The following TANGO6 variants were observed in gnomAD, a reference collection of about 807,000 sequenced individuals.
TANGO6 encodes transport and golgi organization 6 homolog.
TANGO6 carries 90 observed loss-of-function variants against 114.2 expected under a neutral mutation model. The observed-to-expected ratio is 0.79, with a 90% confidence interval of 0.66 to 0.94. TANGO6 has a LOEUF of 0.94. TANGO6 is among the 40% of genes least tolerant of loss of function. TANGO6 has a pLI of 0.00. For missense variants in TANGO6, 1,274 were observed against 1,315.3 expected (o/e 0.97, Z 0.49); for synonymous variants, 477 against 509.8 (o/e 0.94, Z 0.87).
intron 14 of TANGO6, among the ~76,000 whole-genome samples, chr16:68,956,140 G>C (rs761888367): frequency 1.3e-5 from 2 of 152,064 alleles, no homozygotes; most frequent in African/African-American, 2.4e-5. Context: ...AATGGGGTGA[G>C]ACTCTGTCTC....
At chr16:69,047,390 G>A (rs1416487566) in intron 17 of TANGO6, among the ~76,000 whole-genome samples, 1 of 151,946 alleles carries the variant, frequency 6.6e-6, no homozygotes, top group Non-Finnish European at 1.5e-5. Context: ...AGCTCCTCGG[G>A]AGGCTGAGGC....
chr16:69,068,023 C>G (rs1439725635), intron 17 of TANGO6, among the ~76,000 whole-genome samples: 1 of 151,050 alleles, frequency 6.6e-6, no homozygotes, highest in Admixed American at 6.6e-5. Flanking sequence ...TGCCTGTAGT[C>G]CCAGCTACTC....
At chr16:68,996,329 T>C (rs761487060) in intron 15 of TANGO6, among the ~76,000 whole-genome samples, 1 of 152,210 alleles carries the variant, frequency 6.6e-6, no homozygotes, top group Non-Finnish European at 1.5e-5. Context: ...CTAATTTCCT[T>C]TGGACCTTGA....
Position 68,862,975 on chromosome 16 carries a change from A to G in TANGO6, c.766A>G (p.Arg256Gly), listed in dbSNP as rs774646077. ...VLTEEERTLS[R>G]GALRDMLDQV... ...AACTGAAGAGGAGAGAACCCTATCCAGGGGGGCCTTGAGAGACATGCTGGA... is the reference window on the plus strand; with the variant it reads ...AACTGAAGAGGAGAGAACCCTATCCGGGGGGGCCTTGAGAGACATGCTGGA... The change falls in exon 3 of 18, where the codon AGG (arginine) becomes GGG (glycine). Residue 256 changes from arginine to glycine, a missense_variant. Physicochemically the swap from Arg to Gly is moderately radical, Grantham distance 125. Around this residue, in one of 5 missense-constraint regions of TANGO6, gnomAD observed 908 missense variants for 910.2 expected, o/e 1.00. Coordinates refer to ENST00000261778, the MANE Select transcript of TANGO6 (RefSeq NM_024562.2). 5.0e-6 allele frequency: 8 copies of G among 1,599,332 alleles called. No individual in the cohort carries two copies. The highest frequency in any genetic ancestry group is 1.3e-5 in the African/African-American group (1 of 74,658).
intron 4 of TANGO6, among the ~76,000 whole-genome samples, chr16:68,870,693 TTCTGGTGG>T (rs1298426507): frequency 1.7e-4 from 26 of 152,216 alleles, no homozygotes; most frequent in Non-Finnish European, 3.2e-4. Flanking sequence ...TATTTGCCAT[TTCTGGTGG>T]TCTTTATTTC....
chr16:68,886,634 C>G (rs1438741628), intron 7 of TANGO6, among the ~76,000 whole-genome samples: 1 of 151,574 alleles, frequency 6.6e-6, no homozygotes, highest in African/African-American at 2.4e-5. Flanking sequence ...TCAGCCTCCC[C>G]GGTAGCTGGG....
At chr16:69,079,651 T>C (rs1004856935) in intron 17 of TANGO6, among the ~76,000 whole-genome samples, 12 of 152,184 alleles carry the variant, frequency 7.9e-5, no homozygotes, top group African/African-American at 2.9e-4. Flanking sequence ...CAAATTTATG[T>C]TTATATATTT....
intron 15 of TANGO6, among the ~76,000 whole-genome samples, chr16:69,013,179 T>C (rs1959227996): frequency 1.3e-5 from 2 of 152,144 alleles, no homozygotes; most frequent in Non-Finnish European, 2.9e-5. Context: ...GGGAAAGTTA[T>C]ATGTATATAT....
intron 17 of TANGO6, among the ~76,000 whole-genome samples, chr16:69,046,063 C>CA (rs61017260): frequency 0.048 from 4,571 of 95,830 alleles, 323 homozygotes; most frequent in African/African-American, 0.18. Flanking sequence ...GACTCCAACT[C>CA]AAAAAAAAAA....
intron 17 of TANGO6, among the ~76,000 whole-genome samples, chr16:69,055,994 A>G (rs1468775992): frequency 6.6e-6 from 1 of 152,022 alleles, no homozygotes; most frequent in Non-Finnish European, 1.5e-5. Context: ...AGCCGAGATC[A>G]TGCCATTGCA....
chr16:68,850,838 G>A (rs1460628001), intron 1 of TANGO6, among the ~76,000 whole-genome samples: 3 of 152,160 alleles, frequency 2.0e-5, no homozygotes, highest in African/African-American at 7.2e-5. Flanking sequence ...TTGACATAGA[G>A]CGCAGAATTT....
At chr16:68,900,904 T>C (rs967577288) in intron 8 of TANGO6, among the ~76,000 whole-genome samples, 1 of 152,212 alleles carries the variant, frequency 6.6e-6, no homozygotes, top group African/African-American at 2.4e-5. Flanking sequence ...TGTGGGGAGT[T>C]AGAAAACACA....
chr16:69,017,136 G>A (rs1028713494), intron 15 of TANGO6, among the ~76,000 whole-genome samples: 4 of 152,104 alleles, frequency 2.6e-5, no homozygotes, highest in Non-Finnish European at 4.4e-5. Context: ...TAATACTGGA[G>A]CTGTTGTTAA....
chr16:69,022,915 G>C lies in TANGO6; in HGVS notation c.2930G>C (p.Ser977Thr), dbSNP rs766169506. The C allele has an allele frequency of 1.0e-5, 16 of 1,603,484 alleles. No individual in the cohort carries two copies. In the East Asian group the frequency reaches 2.9e-4, roughly 29 times the overall value. ...RDPDGAHRAS[S>T]LANLGELCQR... is the part of the protein sequence containing the mutation. ...CCTGATGGTGCTCACAGGGCCAGCA[G>C]CTTGGCCAACCTTGGGGAGCTGTGC... is the stretch of plus-strand genomic sequence containing the variant. The change falls in exon 16 of 18, where the codon AGC becomes ACC. Residue 977 changes from serine to threonine, a missense_variant. Ser to Thr is a moderately conservative substitution (Grantham distance 58). Coordinates refer to ENST00000261778, the MANE Select transcript of TANGO6 (RefSeq NM_024562.2).
chr16:68,860,277 C>G lies in TANGO6; in HGVS notation c.488C>G (p.Pro163Arg), dbSNP rs369107985. 6.2e-6 allele frequency: 10 copies of G among 1,613,836 alleles called. No individual in the cohort carries two copies. Among genetic ancestry groups the G allele is most frequent in the Non-Finnish European group, 8.5e-6 (10 of 1,179,900 alleles). The change falls in exon 2 of 18, where the codon CCT becomes CGT. Residue 163 changes from proline to arginine, a missense_variant. Physicochemically the swap from Pro to Arg is moderately radical, Grantham distance 103 (BLOSUM62 -2). This residue lies in a region of TANGO6 where 908 missense variants were observed against 910.2 expected (regional missense o/e 1.00). Transcript: ENST00000261778. The part of the protein sequence containing the change: ...VTLGICPYLM[P>R]GVGVPLRYRT... Reference sequence around the variant, plus strand: ...TTGGGTATCTGCCCCTATCTCATGCCTGGTGTTGGAGTCCCTTTGAGATAT... The same window carrying G: ...TTGGGTATCTGCCCCTATCTCATGCGTGGTGTTGGAGTCCCTTTGAGATAT...
At chr16:68,981,924 C>G (rs1468269706) in intron 15 of TANGO6, among the ~76,000 whole-genome samples, 1 of 152,206 alleles carries the variant, frequency 6.6e-6, no homozygotes, top group African/African-American at 2.4e-5. Flanking sequence ...CAAAGCATTT[C>G]TGTCCCAAGT....
At chr16:68,966,012 A>G (rs2152210518) in intron 14 of TANGO6, among the ~76,000 whole-genome samples, 1 of 150,838 alleles carries the variant, frequency 6.6e-6, no homozygotes, top group East Asian at 2.0e-4. Flanking sequence ...AGGGGGGATC[A>G]CTTGAGTCCA....
intron 14 of TANGO6, among the ~76,000 whole-genome samples, chr16:68,972,411 C>T (rs1312273519): frequency 6.6e-6 from 1 of 152,146 alleles, no homozygotes; most frequent in African/African-American, 2.4e-5. Context: ...TAGACTTTGC[C>T]TGCAAGGCTG....
intron 16 of TANGO6, among the ~76,000 whole-genome samples, chr16:69,029,369 A>G (rs573362138): frequency 3.6e-4 from 55 of 152,326 alleles, no homozygotes; most frequent in African/African-American, 1.3e-3. Context: ...ACCTGCAATC[A>G]AGATTGTTAC....
Sources: allele counts gnomAD v4.1 joint callset (sites outside exome capture counted in the v4.1 genomes callset), GRCh38; gene constraint gnomAD v4.1.1; regional missense constraint gnomAD v4.1.1; transcripts MANE v1.5; gene names NCBI Gene and HGNC (gene_info 2026-07-23, HGNC 2026-07-21).